Variants in SGCZ observed in about 807,000 individuals in gnomAD.
SGCZ encodes the protein zeta-sarcoglycan.
Under a neutral mutation model 41.3 loss-of-function variants are expected in SGCZ, and 40 were observed. The ratio of observed to expected loss-of-function variants is 0.97; its 90% CI spans 0.75 to 1.26. The LOEUF is 1.26. Ranked by LOEUF, SGCZ falls within the 50% of genes most tolerant of loss-of-function variation. The pLI, the probability that SGCZ is intolerant of heterozygous loss-of-function variation, is 0.00. For synonymous variants in SGCZ, 206 were observed against 137.5 expected, an observed-to-expected ratio of 1.50 and a Z score of -3.49; for missense variants, 552 against 369.8, an observed-to-expected ratio of 1.49 and a Z score of -4.04.
intron 1 of SGCZ, among the ~76,000 whole-genome samples, chr8:14,656,249 G>C (rs540388060): frequency 2.8e-4 from 43 of 152,074 alleles, no homozygotes; most frequent in African/African-American, 9.9e-4. Context: ...ATCCTCACCA[G>C]AATTATATAT....
chr8:14,767,181 C>T (rs1377733221), intron 1 of SGCZ, among the ~76,000 whole-genome samples: 3 of 152,144 alleles, frequency 2.0e-5, no homozygotes, highest in African/African-American at 7.2e-5. Flanking sequence ...GCAGAAATGA[C>T]ATGGCACAAG....
chr8:14,784,945 A>T (rs1431194883), intron 1 of SGCZ, among the ~76,000 whole-genome samples: 18 of 129,370 alleles, frequency 1.4e-4, no homozygotes, highest in South Asian at 4.7e-4. Flanking sequence ...AAATATATAT[A>T]TTTTTTATAT....
intron 1 of SGCZ, among the ~76,000 whole-genome samples, chr8:14,954,913 T>C (rs1800747430): frequency 6.6e-6 from 1 of 152,230 alleles, no homozygotes. Context: ...CAAACATAAA[T>C]TTGTAACAGC....
chr8:14,465,388 A>G (rs1801020497), intron 2 of SGCZ, among the ~76,000 whole-genome samples: 1 of 151,606 alleles, frequency 6.6e-6, no homozygotes, highest in Non-Finnish European at 1.5e-5. Context: ...CCGTGGTATT[A>G]TTTGCATGGA....
chr8:15,033,987 A>C (rs981231728), intron 1 of SGCZ, among the ~76,000 whole-genome samples: 8 of 152,208 alleles, frequency 5.3e-5, no homozygotes, highest in Non-Finnish European at 1.0e-4. Context: ...GCCAATCTTT[A>C]AAGACTAAAA....
intron 3 of SGCZ, chr8:14,309,614 G>T: frequency 6.2e-7 from 1 of 1,610,896 alleles, no homozygotes; most frequent in Admixed American, 1.7e-5. Flanking sequence ...CTGGTTATCA[G>T]TCCCACGCAG....
chr8:14,163,214 C>T (rs1563161511), intron 5 of SGCZ, among the ~76,000 whole-genome samples: 1 of 152,142 alleles, frequency 6.6e-6, no homozygotes, highest in Non-Finnish European at 1.5e-5. Flanking sequence ...AGGTTTGTTA[C>T]AGAGGTAAAC....
chr8:14,412,764 G>A (rs549883910), intron 2 of SGCZ, among the ~76,000 whole-genome samples: 7 of 151,928 alleles, frequency 4.6e-5, no homozygotes, highest in South Asian at 2.1e-4. Context: ...TAATGCGCAC[G>A]TGACAAGGTA....
chr8:14,131,034 A>C (rs2117057494), intron 5 of SGCZ, among the ~76,000 whole-genome samples: 1 of 152,286 alleles, frequency 6.6e-6, no homozygotes, highest in Admixed American at 6.5e-5. Flanking sequence ...GCTGCACCTA[A>C]CCACGAATAG....
At chr8:14,474,863 G>A (rs1159099809) in intron 2 of SGCZ, among the ~76,000 whole-genome samples, 1 of 152,040 alleles carries the variant, frequency 6.6e-6, no homozygotes, top group African/African-American at 2.4e-5. Flanking sequence ...TCTTGCAAAT[G>A]CATCATTCCA....
At chr8:15,233,382 ACT>A (rs1230217568) in intron 1 of SGCZ, among the ~76,000 whole-genome samples, 1 of 151,384 alleles carries the variant, frequency 6.6e-6, no homozygotes, top group Non-Finnish European at 1.5e-5. Flanking sequence ...TTAAGTGCCA[ACT>A]CTCTTATTTG....
intron 1 of SGCZ, among the ~76,000 whole-genome samples, chr8:14,982,752 T>C (rs1325982782): frequency 6.6e-6 from 1 of 152,208 alleles, no homozygotes; most frequent in African/African-American, 2.4e-5. Flanking sequence ...TTTTTTAATC[T>C]TTATTTTGAA....
intron 2 of SGCZ, among the ~76,000 whole-genome samples, chr8:14,380,802 T>C (rs1804333024): frequency 6.6e-6 from 1 of 152,008 alleles, no homozygotes; most frequent in Non-Finnish European, 1.5e-5. Flanking sequence ...GAGCTTGCAG[T>C]GAGTTGAGAT....
chr8:14,555,332 C>A (rs1297798965), intron 1 of SGCZ, among the ~76,000 whole-genome samples: 1 of 151,964 alleles, frequency 6.6e-6, no homozygotes, highest in African/African-American at 2.4e-5. Context: ...TTGGAGATGG[C>A]TCCTGGCGAA....
intron 2 of SGCZ, among the ~76,000 whole-genome samples, chr8:14,423,212 A>G (rs1171847051): frequency 6.6e-6 from 1 of 151,958 alleles, no homozygotes; most frequent in Non-Finnish European, 1.5e-5. Flanking sequence ...ACCTAATGCT[A>G]AATGACGAGT....
At chr8:14,462,721 A>C (rs530720635) in intron 2 of SGCZ, among the ~76,000 whole-genome samples, 13 of 151,660 alleles carry the variant, frequency 8.6e-5, no homozygotes, top group African/African-American at 3.1e-4. Flanking sequence ...CATTCTATAT[A>C]AATTTTAGGA....
intron 6 of SGCZ, among the ~76,000 whole-genome samples, chr8:14,103,496 A>T (rs935179118): frequency 6.6e-6 from 1 of 152,116 alleles, no homozygotes; most frequent in Non-Finnish European, 1.5e-5. Flanking sequence ...TTCTGAGGCA[A>T]TGAATTCAGA....
intron 1 of SGCZ, among the ~76,000 whole-genome samples, chr8:15,208,674 CA>C (rs1801145863): frequency 6.6e-6 from 1 of 152,038 alleles, no homozygotes; most frequent in Non-Finnish European, 1.5e-5. Flanking sequence ...CATTAGAGAT[CA>C]AGTGACTTGC....
intron 1 of SGCZ, among the ~76,000 whole-genome samples, chr8:15,170,764 T>C (rs1299732220): frequency 6.6e-6 from 1 of 152,232 alleles, no homozygotes; most frequent in Non-Finnish European, 1.5e-5. Context: ...GGGATCCATA[T>C]TACATTTCTG....
Sources: allele counts gnomAD v4.1 joint callset (sites outside exome capture counted in the v4.1 genomes callset), GRCh38; gene constraint gnomAD v4.1.1; transcripts MANE v1.5; gene names NCBI Gene and HGNC (gene_info 2026-07-23, HGNC 2026-07-21).